Variants in ADAMTSL3 observed in about 807,000 individuals in gnomAD.
ADAMTSL3 encodes the protein ADAMTS like 3.
ADAMTSL3 carries 128 observed loss-of-function variants against 201.7 expected under a neutral mutation model. The observed-to-expected ratio is 0.63, with a 90% CI of 0.55 to 0.73. ADAMTSL3 has a LOEUF of 0.73. Among genes scored for constraint, ADAMTSL3 ranks in the 30% least tolerant of loss-of-function variants. ADAMTSL3 has a pLI of 0.00. For missense variants in ADAMTSL3, 1,990 were observed against 2,119.6 expected, an observed-to-expected ratio of 0.94 and a Z score of 1.20; for synonymous variants, 738 against 748.4, an observed-to-expected ratio of 0.99 and a Z score of 0.23.
intron 2 of ADAMTSL3, among the ~76,000 whole-genome samples, chr15:83,697,455 G>A (rs2061701279): frequency 6.6e-6 from 1 of 152,160 alleles, no homozygotes; most frequent in South Asian, 2.1e-4. Context: ...CCAATCTCAA[G>A]CAGTAGGTTG....
Position 83,952,479 on chromosome 15 carries a change from T to C in ADAMTSL3, c.2490+9397T>C, listed in dbSNP as rs542326137. 2.6e-5 allele frequency among the ~76,000 whole-genome samples: 4 copies of C among 151,542 alleles called. No individual in the cohort carries two copies. In the South Asian group the frequency reaches 8.4e-4, roughly 32 times the overall value. On this transcript the variant is annotated intron_variant, in intron 19 of 29. Coordinates refer to ENST00000286744, the MANE Select transcript of ADAMTSL3 (RefSeq NM_207517.3). ...CTATTGCCCTATAGTGTAGATTAAA[T>C]TGGATGGTTCTTTGTTGGTTTTCGG...
At chr15:83,854,123 A>G (rs1287251268) in intron 7 of ADAMTSL3, among the ~76,000 whole-genome samples, 1 of 152,164 alleles carries the variant, frequency 6.6e-6, no homozygotes, top group Non-Finnish European at 1.5e-5. Flanking sequence ...AATATTATCT[A>G]ATATCCAATC....
chr15:83,756,999 G>A (rs2062732342), intron 3 of ADAMTSL3, among the ~76,000 whole-genome samples: 1 of 152,212 alleles, frequency 6.6e-6, no homozygotes, highest in Non-Finnish European at 1.5e-5. Context: ...TGTCCCTGTG[G>A]CTTTGCAGGG....
intron 3 of ADAMTSL3, among the ~76,000 whole-genome samples, chr15:83,714,060 G>C (rs76134248): frequency 0.07 from 10,639 of 152,250 alleles, 420 homozygotes; most frequent in East Asian, 0.18. Context: ...TAAATATCTT[G>C]AAAGTATCTG....
At chr15:83,712,579 G>T (rs1165599939) in intron 3 of ADAMTSL3, among the ~76,000 whole-genome samples, 1 of 152,174 alleles carries the variant, frequency 6.6e-6, no homozygotes, top group Non-Finnish European at 1.5e-5. Context: ...TTTATGACCT[G>T]ATCATGACTT....
At chr15:83,775,431 T>C (rs1310396562) in intron 4 of ADAMTSL3, among the ~76,000 whole-genome samples, 2 of 152,212 alleles carry the variant, frequency 1.3e-5, no homozygotes, top group African/African-American at 2.4e-5. Context: ...TTTCATCCTA[T>C]TGTCATACAA....
chr15:83,890,329 A>G (rs2065479039), intron 11 of ADAMTSL3, 82 bp downstream of exon 11: 1 of 1,510,268 alleles, frequency 6.6e-7, no homozygotes, highest in Non-Finnish European at 8.9e-7. Context: ...TTTGCAGGGC[A>G]ATACATTTCC....
At chr15:84,032,074 G>A (rs1596558259) in intron 28 of ADAMTSL3, among the ~76,000 whole-genome samples, 1 of 152,134 alleles carries the variant, frequency 6.6e-6, no homozygotes. Context: ...AGCCTAGAAG[G>A]CACACTAATC....
chr15:83,965,670 G>C (rs1170047544), intron 19 of ADAMTSL3, among the ~76,000 whole-genome samples: 1 of 152,144 alleles, frequency 6.6e-6, no homozygotes, highest in Non-Finnish European at 1.5e-5. Flanking sequence ...ACTCAGCTCT[G>C]GACCAAGTGG....
intron 5 of ADAMTSL3, among the ~76,000 whole-genome samples, chr15:83,810,550 C>T (rs1490197859): frequency 1.3e-5 from 2 of 152,122 alleles, no homozygotes; most frequent in African/African-American, 4.8e-5. Context: ...TCTGAAGGCC[C>T]GAAGTCTGAC....
intron 3 of ADAMTSL3, among the ~76,000 whole-genome samples, chr15:83,750,775 C>T (rs767890090): frequency 6.6e-6 from 1 of 152,154 alleles, no homozygotes. Context: ...TGGTCTCGAT[C>T]TCTTGACCTC....
At chr15:83,867,527 A>G (rs1331285632) in intron 8 of ADAMTSL3, among the ~76,000 whole-genome samples, 2 of 152,236 alleles carry the variant, frequency 1.3e-5, no homozygotes, top group Non-Finnish European at 2.9e-5. Flanking sequence ...ATTCAGTTGG[A>G]AGAATATTTT....
intron 3 of ADAMTSL3, among the ~76,000 whole-genome samples, chr15:83,761,604 C>G (rs764454684): frequency 4.9e-4 from 74 of 152,196 alleles, no homozygotes; most frequent in Non-Finnish European, 7.6e-4. Flanking sequence ...CCATTCCTCT[C>G]CATCAGACTT....
chr15:83,811,435 C>T (rs2063694896), intron 5 of ADAMTSL3, among the ~76,000 whole-genome samples: 1 of 152,208 alleles, frequency 6.6e-6, no homozygotes, highest in Non-Finnish European at 1.5e-5. Flanking sequence ...GTGTGTATCA[C>T]TCTGCTCTAG....
chr15:83,914,149 GCCTT>G (rs2065986552), intron 16 of ADAMTSL3, among the ~76,000 whole-genome samples: 1 of 152,208 alleles, frequency 6.6e-6, no homozygotes, highest in South Asian at 2.1e-4. Context: ...CCCTGACTGT[GCCTT>G]CCAGCCAGCT....
intron 3 of ADAMTSL3, among the ~76,000 whole-genome samples, chr15:83,714,120 T>G (rs922932858): frequency 2.6e-5 from 4 of 152,222 alleles, no homozygotes; most frequent in African/African-American, 9.6e-5. Context: ...CTTAATCTGC[T>G]TTTTGTGTAA....
intron 19 of ADAMTSL3, among the ~76,000 whole-genome samples, chr15:83,951,483 G>T (rs1195439284): frequency 6.6e-6 from 1 of 151,916 alleles, no homozygotes; most frequent in Non-Finnish European, 1.5e-5. Flanking sequence ...TTCTCTTTTT[G>T]ATGTGTTTTT....
intron 6 of ADAMTSL3, among the ~76,000 whole-genome samples, chr15:83,824,419 A>T (rs2063973567): frequency 6.6e-6 from 1 of 152,088 alleles, no homozygotes; most frequent in African/African-American, 2.4e-5. Context: ...AGCCTCCCCT[A>T]CTATCAACAT....
intron 3 of ADAMTSL3, among the ~76,000 whole-genome samples, chr15:83,733,781 C>G (rs565652998): frequency 6.6e-6 from 1 of 152,248 alleles, no homozygotes; most frequent in Admixed American, 6.5e-5. Flanking sequence ...AAATAGGGGA[C>G]ATGATCCTGA....
Sources: allele counts gnomAD v4.1 joint callset (sites outside exome capture counted in the v4.1 genomes callset), GRCh38; gene constraint gnomAD v4.1.1; transcripts MANE v1.5; gene names NCBI Gene and HGNC (gene_info 2026-07-23, HGNC 2026-07-21).